ITGA11: variants seen among roughly 807,000 people sequenced by gnomAD.
ITGA11 encodes the protein integrin alpha-11.
Under a neutral mutation model 141.9 loss-of-function variants are expected in ITGA11, and 97 were observed. The ratio of observed to expected loss-of-function variants is 0.68; its 90% CI spans 0.58 to 0.81. The LOEUF (loss-of-function observed/expected upper bound fraction) is 0.81, where lower values mean the gene tolerates loss of function less well. ITGA11 is among the 30% of genes least tolerant of loss of function. The pLI, the probability that ITGA11 is intolerant of heterozygous loss-of-function variation, is 0.00. For missense variants in ITGA11, 1,387 were observed against 1,559.2 expected, an observed-to-expected ratio of 0.89 and a Z score of 1.86; for synonymous variants, 658 against 624.6, an observed-to-expected ratio of 1.05 and a Z score of -0.80.
chr15:68,423,018 A>G (rs898096839), intron 1 of ITGA11, among the ~76,000 whole-genome samples: 2 of 152,082 alleles, frequency 1.3e-5, no homozygotes, highest in Non-Finnish European at 2.9e-5. Context: ...TTGTGCTATT[A>G]CCTCCTGGAG....
intron 22 of ITGA11, among the ~76,000 whole-genome samples, chr15:68,314,726 G>A (rs1893510722): frequency 6.6e-6 from 1 of 152,174 alleles, no homozygotes; most frequent in East Asian, 1.9e-4. Flanking sequence ...GGGAGGCCTT[G>A]CCAAGTTTGC....
chr15:68,337,786 C>G (rs1458697560), intron 11 of ITGA11, among the ~76,000 whole-genome samples: 1 of 152,230 alleles, frequency 6.6e-6, no homozygotes, highest in African/African-American at 2.4e-5. Context: ...CTGCTACAGT[C>G]TATCCCAACC....
intron 1 of ITGA11, among the ~76,000 whole-genome samples, chr15:68,403,695 C>T (rs1360499124): frequency 6.6e-6 from 1 of 151,888 alleles, no homozygotes; most frequent in African/African-American, 2.4e-5. Flanking sequence ...AGCACAGTGG[C>T]TCGGTCTTGG....
At chr15:68,422,636 A>G (rs7164172) in intron 1 of ITGA11, among the ~76,000 whole-genome samples, 109,042 of 151,854 alleles carry the variant, frequency 0.72, 40,280 homozygotes, top group African/African-American at 0.9. Context: ...CTAAATCCAA[A>G]TGCCTTAGTT....
intron 2 of ITGA11, among the ~76,000 whole-genome samples, chr15:68,398,264 G>A (rs1361712208): frequency 6.6e-6 from 1 of 151,844 alleles, no homozygotes; most frequent in East Asian, 1.9e-4. Context: ...CCCATCTCAC[G>A]TGCAGAGACA....
intron 10 of ITGA11, chr15:68,340,972 G>C (rs1221506578): frequency 1.3e-5 from 2 of 152,210 alleles, no homozygotes; most frequent in East Asian, 1.9e-4. Flanking sequence ...CAAAACACAG[G>C]CTGGTAAATC....
Position 68,307,212 on chromosome 15 carries a change from C to T in ITGA11, c.3381+136G>A. On this transcript the variant is annotated intron_variant, in intron 28 of 29. Transcript: ENST00000315757. This position sits in a 1 kb window ranked among gnomAD's most constrained non-coding sequence, Gnocchi z 6.1. ...CTCTTTTCAGCGGCTGCCCTAACAG[C>T]CCACAGGTCTGCCTGATTCTCTCCT... 1.5e-6 allele frequency: 1 copy of T among 652,082 alleles called. No individual in the cohort carries two copies. The highest frequency in any genetic ancestry group is 2.7e-5 in the East Asian group (1 of 36,702). 40.4% of individuals were successfully genotyped at this position (652,082 alleles called of 1,614,324 possible).
chr15:68,317,370 G>A lies in ITGA11; in HGVS notation c.2617-7C>T. 6.2e-7 allele frequency: 1 copy of A among 1,600,826 alleles called. No homozygotes were observed. On this transcript the variant is annotated splice_region_variant and splice_polypyrimidine_tract_variant and intron_variant, in intron 20 of 29. Coordinates refer to ENST00000315757, the MANE Select transcript of ITGA11 (RefSeq NM_001004439.2). ...TGCTACCGTCTGAGTCCTCCTGGAG[G>A]TGGGTGGCAGACATCATGGCAGCAG...
rs1268887255 is a variant in ITGA11, at chr15:68,328,131, A to G, written c.2033T>C (p.Ile678Thr). 3 of 1,613,770 alleles carry G rather than the reference A, an allele frequency of 1.9e-6. No individual in the cohort carries two copies. Among genetic ancestry groups the G allele is most frequent in the Admixed American group, 1.7e-5 (1 of 60,010 alleles). Residue 678 changes from isoleucine (I) to threonine (T), a missense_variant, in exon 16 of 30, where the codon ATC (isoleucine) becomes ACC (threonine). Coordinates refer to ENST00000315757, the MANE Select transcript of ITGA11 (RefSeq NM_001004439.2). This position sits in a 1 kb window ranked among gnomAD's most constrained non-coding sequence, Gnocchi z 4.8. ...TGTTTGGAAATGGGGTGCCAGGAAG[A>G]TGGGCGTGAAGCAGAGGAAGGCGGC... The part of the protein sequence containing the change: ...CLAAFLCFTP[I>T]FLAPHFQTTT...
chr15:68,315,839 G>A (rs1296413966), intron 21 of ITGA11, 112 bp from the exon 22 acceptor site: 3 of 826,130 alleles, frequency 3.6e-6, no homozygotes, highest in African/African-American at 3.5e-5. Flanking sequence ...CTTGCTGGGG[G>A]TTGGGGAGCT....
chr15:68,412,418 G>C (rs1896793519), intron 1 of ITGA11, among the ~76,000 whole-genome samples: 1 of 151,986 alleles, frequency 6.6e-6, no homozygotes, highest in Non-Finnish European at 1.5e-5. Context: ...GGGCCTGATG[G>C]CTGGGTTGTC....
chr15:68,331,214 G>A, intron 14 of ITGA11, 103 bp from the exon 15 acceptor site: 1 of 1,106,088 alleles, frequency 9.0e-7, no homozygotes, highest in Non-Finnish European at 1.3e-6. Flanking sequence ...GAGCCTGTGT[G>A]AAACCACCAA....
Position 68,338,860 on chromosome 15 carries a change from C to A in ITGA11, c.1276+640G>T, listed in dbSNP as rs375930884. Among the ~76,000 whole-genome samples the A allele has an allele frequency of 2.1e-4, 32 of 152,340 alleles. No individual in the cohort carries two copies. In the East Asian group the frequency reaches 2.9e-3, roughly 14 times the overall value. ...GAGACAGTGGGGACCCTGAACATCA[C>A]CCCCCTTGCCGCCCTCCCCTCTGGC... On this transcript the variant is annotated intron_variant, in intron 11 of 29. Coordinates refer to ENST00000315757, the MANE Select transcript of ITGA11 (RefSeq NM_001004439.2).
chr15:68,369,154 C>T, intron 3 of ITGA11, 30 bp downstream of exon 3: 1 of 1,530,686 alleles, frequency 6.5e-7, no homozygotes, highest in East Asian at 2.2e-5. Context: ...CCGCTGGCCT[C>T]ATTGTGAAGA....
intron 1 of ITGA11, among the ~76,000 whole-genome samples, chr15:68,418,806 T>C (rs1282595083): frequency 1.3e-5 from 2 of 151,560 alleles, no homozygotes; most frequent in Non-Finnish European, 2.9e-5. Context: ...GTTTTCCAAC[T>C]CCTAAGCTTG....
intron 1 of ITGA11, among the ~76,000 whole-genome samples, chr15:68,411,923 T>G (rs935023564): frequency 6.6e-6 from 1 of 151,898 alleles, no homozygotes; most frequent in African/African-American, 2.4e-5. Context: ...GGAGCAGAGC[T>G]GCCCCAGCTG....
chr15:68,331,711 G>A, intron 14 of ITGA11, 148 bp downstream of exon 14: 1 of 706,696 alleles, frequency 1.4e-6, no homozygotes, highest in Middle Eastern at 4.0e-4. Context: ...ATTTCCACTT[G>A]GGGAAGCATG....
At chr15:68,420,625 T>C (rs1331948230) in intron 1 of ITGA11, among the ~76,000 whole-genome samples, 2 of 146,476 alleles carry the variant, frequency 1.4e-5, no homozygotes, top group African/African-American at 5.5e-5. Flanking sequence ...CTAAAAGGAG[T>C]GATTGATTAG....
rs764191309 is a variant in ITGA11 at position 68,325,184 on chromosome 15, G to T, written c.2269C>A (p.Pro757Thr). 24 of 1,613,862 alleles carry T rather than the reference G, an allele frequency of 1.5e-5. No individual in the cohort carries two copies. The highest frequency in any genetic ancestry group is 2.0e-5 in the Non-Finnish European group (24 of 1,179,896). The change falls in exon 18 of 30, where the codon CCT becomes ACT. Residue 757 changes from proline to threonine, a missense_variant. Physicochemically the swap from Pro to Thr is conservative, Grantham distance 38. Transcript: ENST00000315757. This position sits in a 1 kb window ranked among gnomAD's most constrained non-coding sequence, Gnocchi z 5.5. The stretch of plus-strand genomic sequence containing the variant: ...TCGTCCAGCATGGGGCCATGGTCAG[G>T]GTCCTCCAGGGAATACTCGACTGAG... ...TFSVEYSLED[P>T]DHGPMLDDGW...
Sources: gnomAD v4.1 joint callset for allele counts (sites outside exome capture counted in the v4.1 genomes callset) on GRCh38, gnomAD v4.1.1 for gene constraint, Gnocchi (gnomAD v3.1) non-coding constraint, MANE v1.5 for transcripts, NCBI Gene and HGNC (gene_info 2026-07-23, HGNC 2026-07-21) for gene names.